B3GALT1: variants seen among roughly 807,000 people sequenced by gnomAD.
B3GALT1 encodes UDP-Gal:betaGlcNAc beta 1,3-galactosyltransferase, polypeptide 1.
B3GALT1 carries 10 observed loss-of-function variants against 23.2 expected under a neutral mutation model. The observed-to-expected ratio is 0.43, with a 90% CI of 0.27 to 0.73. The LOEUF (loss-of-function observed/expected upper bound fraction) is 0.73. Ranked by LOEUF, B3GALT1 falls within the 30% of genes least tolerant of loss-of-function variation. B3GALT1 has a pLI of 0.21. For synonymous variants in B3GALT1, 156 were observed against 141.5 expected, an observed-to-expected ratio of 1.10 and a Z score of -0.73; for missense variants, 299 against 405.4, an observed-to-expected ratio of 0.74 and a Z score of 2.25.
chr2:167,548,685 AGTGTGTGTGTGTGTGT>A (rs71031297), intron 2 of B3GALT1, among the ~76,000 whole-genome samples: 3 of 144,704 alleles, frequency 2.1e-5, no homozygotes, highest in African/African-American at 7.6e-5. Flanking sequence ...CGTGTGTGTG[AGTGTGTGTGTGTGTGT>A]GTGTGTGTGT....
At chr2:167,809,723 C>G (rs528801640) in intron 3 of B3GALT1, among the ~76,000 whole-genome samples, 1 of 152,178 alleles carries the variant, frequency 6.6e-6, no homozygotes, top group Non-Finnish European at 1.5e-5. Flanking sequence ...TTAGGCTACT[C>G]GGGGGTCAGG....
At chr2:167,757,539 G>C (rs1687837311) in intron 3 of B3GALT1, among the ~76,000 whole-genome samples, 1 of 151,896 alleles carries the variant, frequency 6.6e-6, no homozygotes, top group Non-Finnish European at 1.5e-5. Context: ...TTTTTTAAAG[G>C]GGGGAAAAAG....
At chr2:167,545,052 TTTGAG>T in intron 2 of B3GALT1, among the ~76,000 whole-genome samples, 1 of 120,890 alleles carries the variant, frequency 8.3e-6, no homozygotes, top group African/African-American at 3.4e-5. Context: ...TTTTTTTTTT[TTTGAG>T]ACAGTCTCGC....
At chr2:167,302,538 G>A (rs558765193) in intron 1 of B3GALT1, among the ~76,000 whole-genome samples, 73 of 151,812 alleles carry the variant, frequency 4.8e-4, no homozygotes, top group African/African-American at 1.7e-3. Flanking sequence ...ACTTTTCAGG[G>A]GTAATTTTAG....
intron 3 of B3GALT1, among the ~76,000 whole-genome samples, chr2:167,729,799 G>A (rs1023802886): frequency 3.9e-5 from 6 of 152,074 alleles, no homozygotes; most frequent in African/African-American, 1.4e-4. Flanking sequence ...CAAAAGTCAT[G>A]TGAAGAAGTG....
intron 2 of B3GALT1, among the ~76,000 whole-genome samples, chr2:167,573,775 GA>G (rs1204780950): frequency 1.3e-5 from 2 of 151,308 alleles, no homozygotes; most frequent in Middle Eastern, 3.4e-3. Flanking sequence ...CAATAATCCA[GA>G]AAAAAAAGTG....
intron 2 of B3GALT1, among the ~76,000 whole-genome samples, chr2:167,504,644 A>G (rs571882125): frequency 2.2e-4 from 31 of 143,982 alleles, no homozygotes; most frequent in African/African-American, 6.8e-4. Context: ...ACAGTCATAC[A>G]CTGCATGACA....
intron 2 of B3GALT1, among the ~76,000 whole-genome samples, chr2:167,491,106 A>G (rs1362620563): frequency 1.3e-5 from 2 of 152,188 alleles, no homozygotes; most frequent in African/African-American, 4.8e-5. Context: ...AATCTGAGGT[A>G]GGTGTGTACT....
At chr2:167,588,834 CTT>C (rs1684622099) in intron 2 of B3GALT1, among the ~76,000 whole-genome samples, 1 of 126,442 alleles carries the variant, frequency 7.9e-6, no homozygotes, top group Non-Finnish European at 1.6e-5. Flanking sequence ...TCCTTCCTTC[CTT>C]CCTTCCTTCT....
chr2:167,731,597 C>G (rs1046253354), intron 3 of B3GALT1, among the ~76,000 whole-genome samples: 14 of 152,166 alleles, frequency 9.2e-5, no homozygotes, highest in African/African-American at 3.4e-4. Flanking sequence ...TTCCCAATAT[C>G]TTTTTCTTCA....
At chr2:167,364,339 GT>G (rs900879257) in intron 1 of B3GALT1, among the ~76,000 whole-genome samples, 74 of 146,392 alleles carry the variant, frequency 5.1e-4, no homozygotes, top group African/African-American at 1.8e-3. Flanking sequence ...TATATATATA[GT>G]TTTTTTTTTC....
At chr2:167,837,997 T>C (rs1689525917) in intron 4 of B3GALT1, among the ~76,000 whole-genome samples, 1 of 151,666 alleles carries the variant, frequency 6.6e-6, no homozygotes, top group Non-Finnish European at 1.5e-5. Flanking sequence ...AGACACAACA[T>C]ACCAGAATCT....
chr2:167,454,315 T>C (rs370430510), intron 1 of B3GALT1, among the ~76,000 whole-genome samples: 1 of 152,306 alleles, frequency 6.6e-6, no homozygotes, highest in African/African-American at 2.4e-5. Flanking sequence ...TTTGGAACAG[T>C]AGGACTGACC....
intron 2 of B3GALT1, among the ~76,000 whole-genome samples, chr2:167,502,826 G>A (rs1441291401): frequency 6.6e-6 from 1 of 152,286 alleles, no homozygotes; most frequent in East Asian, 1.9e-4. Flanking sequence ...GATCCCTGAG[G>A]TCAGGAGTTC....
At chr2:167,426,113 G>C (rs1574073811) in intron 1 of B3GALT1, among the ~76,000 whole-genome samples, 1 of 152,092 alleles carries the variant, frequency 6.6e-6, no homozygotes, top group Non-Finnish European at 1.5e-5. Flanking sequence ...AAAGAAATTT[G>C]AGCTGCTGTT....
At chr2:167,482,718 T>G (rs897915949) in intron 1 of B3GALT1, among the ~76,000 whole-genome samples, 6 of 152,156 alleles carry the variant, frequency 3.9e-5, no homozygotes, top group African/African-American at 1.4e-4. Flanking sequence ...CAGGTGCCTG[T>G]AATCCCAACT....
chr2:167,750,801 C>A (rs1558967779), intron 3 of B3GALT1, among the ~76,000 whole-genome samples: 1 of 151,328 alleles, frequency 6.6e-6, no homozygotes, highest in Non-Finnish European at 1.5e-5. Context: ...AGTGTCATAT[C>A]CCTTCTCTGG....
chr2:167,582,776 T>C (rs769589573), intron 2 of B3GALT1, among the ~76,000 whole-genome samples: 2 of 152,156 alleles, frequency 1.3e-5, no homozygotes, highest in Non-Finnish European at 2.9e-5. Flanking sequence ...TCTACAGCGA[T>C]GTGCTGCTGG....
In B3GALT1 at chr2:167,869,816, G is replaced by A; in HGVS notation, c.777G>A (p.Arg259=). Reference sequence around the variant, plus strand: ...TTTACAAGACCTCACTCCACACAAGGCTGCTTCACCTTGAAGACGTATATG... The same window carrying A: ...TTTACAAGACCTCACTCCACACAAGACTGCTTCACCTTGAAGACGTATATG... The part of the protein sequence containing the change: ...ELIYKTSLHT[R]LLHLEDVYVG... Residue 259 remains arginine (R), a synonymous_variant, in exon 5 of 5, where the codon AGG becomes AGA. Transcript: ENST00000392690. The surrounding 1 kb of genome is among the most constrained non-coding windows in gnomAD (Gnocchi z 6.4). 1 of 1,614,072 alleles carries A rather than the reference G, an allele frequency of 6.2e-7. No homozygotes were observed. Among genetic ancestry groups the A allele is most frequent in the Non-Finnish European group, 8.5e-7 (1 of 1,179,990 alleles).
Sources: gnomAD v4.1 joint callset for allele counts (sites outside exome capture counted in the v4.1 genomes callset) on GRCh38, gnomAD v4.1.1 for gene constraint, Gnocchi (gnomAD v3.1) non-coding constraint, MANE v1.5 for transcripts, NCBI Gene and HGNC (gene_info 2026-07-23, HGNC 2026-07-21) for gene names.